Variants in DENND4A observed in about 807,000 individuals in gnomAD.
DENND4A encodes C-myc promoter-binding protein.
DENND4A carries 70 observed loss-of-function variants against 199.3 expected under a neutral mutation model. The observed-to-expected ratio is 0.35, with a 90% CI of 0.29 to 0.43. The LOEUF (loss-of-function observed/expected upper bound fraction) is 0.43, where lower values mean the gene tolerates loss of function less well. Ranked by LOEUF, DENND4A falls within the 20% of genes least tolerant of loss-of-function variation. The pLI, the probability that DENND4A is intolerant of heterozygous loss-of-function variation, is 1.00. For synonymous variants in DENND4A, 686 were observed against 766.9 expected (o/e 0.89, Z 1.74); for missense variants, 1,723 against 2,255.8 (o/e 0.76, Z 4.78).
chr15:65,721,040 T>C (rs1292407486), intron 12 of DENND4A, among the ~76,000 whole-genome samples: 1 of 143,004 alleles, frequency 7.0e-6, no homozygotes, highest in Admixed American at 7.1e-5. Context: ...CTCAAACTGC[T>C]GGACTCAAGC....
chr15:65,769,735 TA>T (rs2077082373), intron 1 of DENND4A, among the ~76,000 whole-genome samples: 1 of 152,176 alleles, frequency 6.6e-6, no homozygotes, highest in Non-Finnish European at 1.5e-5. Context: ...ACAGATGCCA[TA>T]AATTAACTAC....
intron 27 of DENND4A, among the ~76,000 whole-genome samples, 169 bp downstream of exon 27, chr15:65,669,610 T>C (rs1286202812): frequency 1.3e-5 from 2 of 152,206 alleles, no homozygotes; most frequent in African/African-American, 4.8e-5. Flanking sequence ...TTTAAAGATT[T>C]ATGTGATTAG....
At chr15:65,709,072 T>C (rs1451682137) in intron 14 of DENND4A, among the ~76,000 whole-genome samples, 1 of 152,256 alleles carries the variant, frequency 6.6e-6, no homozygotes, top group Non-Finnish European at 1.5e-5. Context: ...ATAGTAGTCA[T>C]GAACCATATG....
chr15:65,719,851 C>T (rs11855731), intron 12 of DENND4A, among the ~76,000 whole-genome samples: 388 of 151,898 alleles, frequency 2.6e-3, no homozygotes, highest in African/African-American at 8.4e-3. Flanking sequence ...ACCGTGATCG[C>T]GCCACTGCAC....
intron 1 of DENND4A, among the ~76,000 whole-genome samples, chr15:65,789,081 TAGA>T (rs2077646207): frequency 6.6e-6 from 1 of 152,196 alleles, no homozygotes; most frequent in African/African-American, 2.4e-5. Flanking sequence ...AAATGATTTT[TAGA>T]AGTTGTATCC....
At chr15:65,667,857 A>C (rs6494531) in intron 28 of DENND4A, 68 bp downstream of exon 28, 2 of 1,543,252 alleles carry the variant, frequency 1.3e-6, no homozygotes, top group Admixed American at 4.1e-5. Flanking sequence ...AGACTACTTA[A>C]GACAAGGGGA....
intron 27 of DENND4A, among the ~76,000 whole-genome samples, chr15:65,669,369 C>T (rs146181207): frequency 7.0e-4 from 106 of 152,280 alleles, no homozygotes; most frequent in Admixed American, 3.2e-3. Flanking sequence ...GTTCCTATAT[C>T]AGCTCCAAAT....
intron 32 of DENND4A, among the ~76,000 whole-genome samples, chr15:65,662,437 G>A (rs1226987057): frequency 1.3e-5 from 2 of 152,042 alleles, no homozygotes; most frequent in Non-Finnish European, 2.9e-5. Context: ...CTACCTCTGG[G>A]AAAATAATCC....
chr15:65,783,577 T>C (rs79439366), intron 1 of DENND4A, among the ~76,000 whole-genome samples: 2,250 of 152,142 alleles, frequency 0.015, 56 homozygotes, highest in African/African-American at 0.051. Context: ...CACCAAAAAA[T>C]AGAACCAGGG....
In DENND4A at chr15:65,659,986, C is replaced by A; in HGVS notation, c.*1865G>T. On this transcript the variant is annotated 3_prime_UTR_variant, in exon 33 of 33. Transcript: ENST00000443035. ...TTTTAAAAGAATAAAAACCACCAAC[C>A]ACAAATAGAAGAGAACCCCAGACGG... is the stretch of plus-strand genomic sequence containing the variant. 1 of 271,008 alleles carries A rather than the reference C, an allele frequency of 3.7e-6. No homozygotes were observed. Among genetic ancestry groups the A allele is most frequent in the East Asian group, 6.7e-5 (1 of 15,026 alleles). The allele number at this position is 271,008 out of a possible 1,614,324, so 16.8% of individuals were successfully genotyped here. A position where few individuals can be genotyped will look rare whatever the true frequency, so the allele number is the denominator to read the frequency against.
In DENND4A at chr15:65,717,944, A is replaced by G. The variant is rs1160978723; in HGVS notation, c.1641T>C (p.Tyr547=). The part of the protein sequence containing the change: ...DGLMDLAIND[Y]DFNSGKRLHM... The stretch of plus-strand genomic sequence containing the variant: ...GCAACCTCTTTCCAGAATTAAAATC[A>G]TAGTCATTTATTGCTAAATCCATGA... Residue 547 remains tyrosine, a synonymous_variant, in exon 13 of 33, where the codon TAT becomes TAC. Coordinates refer to ENST00000443035, the MANE Select transcript of DENND4A (RefSeq NM_001320835.1). 6.2e-7 allele frequency: 1 copy of G among 1,609,182 alleles called. No individual in the cohort carries two copies. Among genetic ancestry groups the G allele is most frequent in the Non-Finnish European group, 8.5e-7 (1 of 1,177,430 alleles).
chr15:65,664,677 G>A lies in DENND4A; in HGVS notation c.5405C>T (p.Ser1802Leu). Residue 1802 changes from serine to leucine, a missense_variant, in exon 31 of 33, where the codon TCA (serine) becomes TTA (leucine). By Grantham distance (145) the Ser-to-Leu change is moderately radical. Transcript: ENST00000443035. ...MVHLLQKSDN[S>L]FNQELLKSMV... ...ACTTTTCAACAGTTCCTGGTTAAATGAGTTATCACTTTTTTGCAATAAATG... is the reference window on the plus strand; with the variant it reads ...ACTTTTCAACAGTTCCTGGTTAAATAAGTTATCACTTTTTTGCAATAAATG... 1 of 1,612,832 alleles carries A rather than the reference G, an allele frequency of 6.2e-7. No homozygotes were observed. The highest frequency in any genetic ancestry group is 8.5e-7 in the Non-Finnish European group (1 of 1,179,302).
At chr15:65,736,617 T>A (rs1011580011) in intron 7 of DENND4A, among the ~76,000 whole-genome samples, 2 of 152,050 alleles carry the variant, frequency 1.3e-5, no homozygotes, top group Non-Finnish European at 2.9e-5. Context: ...CAGTTTTAGA[T>A]TGCAAATAAC....
chr15:65,676,143 T>TAA (rs891050732), intron 24 of DENND4A, among the ~76,000 whole-genome samples: 1 of 120,166 alleles, frequency 8.3e-6, no homozygotes, highest in Non-Finnish European at 1.8e-5. Context: ...TAAGGAAAAA[T>TAA]ATATATATAT....
chr15:65,778,133 C>G (rs2077332102), intron 1 of DENND4A, among the ~76,000 whole-genome samples: 1 of 152,046 alleles, frequency 6.6e-6, no homozygotes, highest in African/African-American at 2.4e-5. Flanking sequence ...TTCTATAAAT[C>G]CAACTTCAGT....
intron 14 of DENND4A, among the ~76,000 whole-genome samples, chr15:65,709,778 T>A (rs1170170440): frequency 6.8e-6 from 1 of 147,920 alleles, no homozygotes; most frequent in Non-Finnish European, 1.5e-5. Context: ...ATAAGTCTCT[T>A]GAATTATAAC....
At chr15:65,707,410 C>A (rs868378457) in intron 14 of DENND4A, among the ~76,000 whole-genome samples, 6 of 152,118 alleles carry the variant, frequency 3.9e-5, no homozygotes, top group Middle Eastern at 3.4e-3. Flanking sequence ...GGACTTAGGG[C>A]AGAGTATACC....
At chr15:65,727,294 T>C (rs2075828631) in intron 11 of DENND4A, among the ~76,000 whole-genome samples, 1 of 150,808 alleles carries the variant, frequency 6.6e-6, no homozygotes, top group Non-Finnish European at 1.5e-5. Context: ...CTACTAAAAA[T>C]ACAAAAAAAT....
At chr15:65,700,715 G>A (rs1335457296) in intron 19 of DENND4A, 40 bp from the exon 20 acceptor site, 1 of 1,478,080 alleles carries the variant, frequency 6.8e-7, no homozygotes, top group South Asian at 1.4e-5. Flanking sequence ...TACTCGAAGA[G>A]GTAAATACAC....
Sources: gnomAD v4.1 joint callset for allele counts (sites outside exome capture counted in the v4.1 genomes callset) on GRCh38, gnomAD v4.1.1 for gene constraint, MANE v1.5 for transcripts, NCBI Gene and HGNC (gene_info 2026-07-23, HGNC 2026-07-21) for gene names.